Variants in DLG2 observed in about 807,000 individuals in gnomAD.
The protein encoded by DLG2 is discs large MAGUK scaffold protein 2.
DLG2 carries 45 observed loss-of-function variants against 132.5 expected under a neutral mutation model. The ratio of observed to expected loss-of-function variants is 0.34; its 90% CI spans 0.27 to 0.44. The LOEUF (loss-of-function observed/expected upper bound fraction) is 0.44. Ranked by LOEUF, DLG2 falls within the 20% of genes least tolerant of loss-of-function variation. DLG2 has a pLI of 1.00. For missense variants in DLG2, 1,045 were observed against 1,196.9 expected (o/e 0.87, Z 1.87); for synonymous variants, 424 against 419.6 (o/e 1.01, Z -0.13).
intron 9 of DLG2, among the ~76,000 whole-genome samples, chr11:84,117,513 C>G (rs190039126): frequency 6.6e-6 from 1 of 152,172 alleles, no homozygotes; most frequent in Non-Finnish European, 1.5e-5. Flanking sequence ...TAAAGACACT[C>G]ATTCCATTTC....
chr11:85,181,528 C>T (rs960665450), intron 4 of DLG2, among the ~76,000 whole-genome samples: 3 of 151,568 alleles, frequency 2.0e-5, no homozygotes, highest in Non-Finnish European at 3.0e-5. Context: ...CATATAATTG[C>T]AGTTCTCCTT....
At chr11:85,135,455 C>T (rs2076080772) in intron 5 of DLG2, among the ~76,000 whole-genome samples, 1 of 152,118 alleles carries the variant, frequency 6.6e-6, no homozygotes, top group Non-Finnish European at 1.5e-5. Flanking sequence ...GAAGATGATA[C>T]CTTCGGAACT....
intron 17 of DLG2, among the ~76,000 whole-genome samples, chr11:83,819,493 GAAGAAAAGAAAAAGAAAAGAAA>G (rs57203084): frequency 1.9e-5 from 2 of 104,762 alleles, no homozygotes; most frequent in African/African-American, 7.8e-5. Context: ...AAAAAAAAAA[GAAGAAAAGAAAAAGAAAAGAAA>G]AAGAAAAGAA....
chr11:84,743,740 A>T (rs1337468298), intron 6 of DLG2, among the ~76,000 whole-genome samples: 1 of 143,132 alleles, frequency 7.0e-6, no homozygotes, highest in Non-Finnish European at 1.5e-5. Context: ...AAGGAAAGAG[A>T]ATTTTCTTTT....
chr11:84,565,454 C>T (rs1489575504), intron 6 of DLG2, among the ~76,000 whole-genome samples: 1 of 152,094 alleles, frequency 6.6e-6, no homozygotes, highest in East Asian at 1.9e-4. Flanking sequence ...GTAACTAGAA[C>T]ATAATAGTGT....
intron 15 of DLG2, among the ~76,000 whole-genome samples, chr11:83,906,063 C>G (rs1565582181): frequency 4.4e-4 from 44 of 100,784 alleles, no homozygotes; most frequent in African/African-American, 1.2e-3. Flanking sequence ...GTCTCTCTCT[C>G]TCTCTCTCTC....
At chr11:83,547,517 A>G (rs2096271456) in intron 19 of DLG2, among the ~76,000 whole-genome samples, 1 of 152,128 alleles carries the variant, frequency 6.6e-6, no homozygotes, top group Non-Finnish European at 1.5e-5. Context: ...GCTGGCTTCA[A>G]AGTTAGAGGA....
chr11:85,340,653 A>G (rs1338161185), intron 3 of DLG2, among the ~76,000 whole-genome samples: 1 of 152,212 alleles, frequency 6.6e-6, no homozygotes, highest in Non-Finnish European at 1.5e-5. Context: ...TTAAAAAGGT[A>G]AAATTTTTTT....
chr11:85,059,801 T>C (rs773167032), intron 6 of DLG2, among the ~76,000 whole-genome samples: 12 of 151,642 alleles, frequency 7.9e-5, no homozygotes, highest in Non-Finnish European at 1.5e-4. Flanking sequence ...TCGATTTCTC[T>C]ACCTGGGAAG....
At chr11:85,114,534 A>G (rs1450339587) in intron 5 of DLG2, among the ~76,000 whole-genome samples, 3 of 151,980 alleles carry the variant, frequency 2.0e-5, no homozygotes, top group Non-Finnish European at 4.4e-5. Flanking sequence ...GGGATTTGCA[A>G]TGCTGACCGT....
At chr11:83,548,198 A>C (rs1000258893) in intron 19 of DLG2, among the ~76,000 whole-genome samples, 1 of 152,132 alleles carries the variant, frequency 6.6e-6, no homozygotes, top group African/African-American at 2.4e-5. Context: ...AGGAAGAATA[A>C]TGGTTCTCCA....
intron 18 of DLG2, among the ~76,000 whole-genome samples, chr11:83,733,039 C>T (rs542477267): frequency 5.6e-4 from 85 of 151,986 alleles, no homozygotes; most frequent in African/African-American, 1.9e-3. Flanking sequence ...GTCAGGAGTT[C>T]GAGACCAGCC....
In DLG2 at chr11:85,518,822, A is replaced by G. The variant is rs775136453; in HGVS notation, c.40+79835T>C. On this transcript the variant is annotated intron_variant, in intron 3 of 27. Transcript: ENST00000376104. ...GGCCCAGGGACCCTCTGTTGTTTACAGTCTAGGGACTTTGTCCCTGTGTCC... is the reference window on the plus strand; with the variant it reads ...GGCCCAGGGACCCTCTGTTGTTTACGGTCTAGGGACTTTGTCCCTGTGTCC... Among the ~76,000 whole-genome samples, 38 of 152,272 alleles carry G rather than the reference A, an allele frequency of 2.5e-4. No homozygotes were observed. The South Asian group carries it at 2.7e-3, about 11-fold the overall frequency.
intron 11 of DLG2, among the ~76,000 whole-genome samples, chr11:83,994,995 T>TC (rs1491145433): frequency 4.0e-5 from 6 of 148,304 alleles, no homozygotes; most frequent in African/African-American, 1.5e-4. Flanking sequence ...TTTTTTTTTT[T>TC]GTAAAGACAC....
At chr11:85,163,627 G>A (rs1019391569) in intron 4 of DLG2, among the ~76,000 whole-genome samples, 2 of 152,158 alleles carry the variant, frequency 1.3e-5, no homozygotes, top group African/African-American at 2.4e-5. Flanking sequence ...AGATTTTAGA[G>A]TAAGAAAGAA....
At chr11:84,417,955 A>G (rs2098935549) in intron 7 of DLG2, among the ~76,000 whole-genome samples, 1 of 152,174 alleles carries the variant, frequency 6.6e-6, no homozygotes, top group South Asian at 2.1e-4. Context: ...TCTCAACGCT[A>G]AATTATACAC....
chr11:85,390,417 A>T (rs1489051457), intron 3 of DLG2, among the ~76,000 whole-genome samples: 6 of 152,154 alleles, frequency 3.9e-5, no homozygotes, highest in Admixed American at 6.6e-5. Flanking sequence ...GGACTTCATT[A>T]TTCCACTGGC....
At chr11:84,351,636 A>G (rs972329386) in intron 7 of DLG2, among the ~76,000 whole-genome samples, 4 of 152,232 alleles carry the variant, frequency 2.6e-5, no homozygotes, top group Admixed American at 6.5e-5. Flanking sequence ...TGGATACTCC[A>G]TAAGTCTGGT....
At chr11:85,127,813 T>C (rs2075305178) in intron 5 of DLG2, among the ~76,000 whole-genome samples, 1 of 152,180 alleles carries the variant, frequency 6.6e-6, no homozygotes, top group Non-Finnish European at 1.5e-5. Context: ...AAATACCTTA[T>C]TTGCAAATAT....
Sources: allele counts gnomAD v4.1 joint callset (sites outside exome capture counted in the v4.1 genomes callset), GRCh38; gene constraint gnomAD v4.1.1; transcripts MANE v1.5; gene names NCBI Gene and HGNC (gene_info 2026-07-23, HGNC 2026-07-21).